UBE2Q2: variants seen among roughly 807,000 people sequenced by gnomAD.
UBE2Q2 encodes the protein ubiquitin conjugating enzyme E2 Q2.
Under a neutral mutation model 59.9 loss-of-function variants are expected in UBE2Q2, and 54 were observed. That is an observed-to-expected ratio of 0.90 (90% CI 0.72 to 1.13). The LOEUF is 1.13. UBE2Q2 is among the 50% of genes most tolerant of loss of function. UBE2Q2 has a pLI of 0.00. For synonymous variants in UBE2Q2, 165 were observed against 155.2 expected (o/e 1.06, Z -0.47); for missense variants, 433 against 441.9 (o/e 0.98, Z 0.18).
intron 6 of UBE2Q2, among the ~76,000 whole-genome samples, chr15:75,877,047 G>A (rs1898122407): frequency 6.7e-6 from 1 of 148,208 alleles, no homozygotes; most frequent in Non-Finnish European, 1.5e-5. Context: ...GGTGATCCGA[G>A]CTACTCAGTG....
At position 75,854,502 on chromosome 15, in the gene UBE2Q2, C is replaced by A; in HGVS notation, c.282+15C>A. Reference sequence around the variant, plus strand: ...ACAACAATTTGGTAAGAAAATAAGCCAAGCTATTTTCTCTTTTCCTCATGA... The same window carrying A: ...ACAACAATTTGGTAAGAAAATAAGCAAAGCTATTTTCTCTTTTCCTCATGA... On this transcript the variant is annotated intron_variant, in intron 2 of 12. Coordinates refer to ENST00000267938, the MANE Select transcript of UBE2Q2 (RefSeq NM_173469.4). 1 of 1,533,484 alleles carries A rather than the reference C, an allele frequency of 6.5e-7. No homozygotes were observed. Among genetic ancestry groups the A allele is most frequent in the Non-Finnish European group, 9.0e-7 (1 of 1,115,096 alleles). 95.0% of individuals were successfully genotyped at this position (1,533,484 alleles called of 1,614,324 possible).
chr15:75,844,219 C>T, intron 1 of UBE2Q2: 1 of 1,474,536 alleles, frequency 6.8e-7, no homozygotes, highest in Non-Finnish European at 9.0e-7. Flanking sequence ...CGGCGCAGCT[C>T]CGGCTGTTGT....
At chr15:75,882,217 A>G (rs1307398540) in intron 8 of UBE2Q2, among the ~76,000 whole-genome samples, 1 of 152,194 alleles carries the variant, frequency 6.6e-6, no homozygotes, top group African/African-American at 2.4e-5. Flanking sequence ...TTAGATGGCT[A>G]AGATGTTAAG....
At chr15:75,875,305 C>T (rs1038207983) in intron 5 of UBE2Q2, among the ~76,000 whole-genome samples, 1 of 152,120 alleles carries the variant, frequency 6.6e-6, no homozygotes, top group African/African-American at 2.4e-5. Context: ...ATTTTTCCCC[C>T]CTTCAAAGTA....
rs192187730 is a variant in UBE2Q2, at chr15:75,894,429, T to C, written c.1030-2566T>C. 3.3e-5 allele frequency among the ~76,000 whole-genome samples: 5 copies of C among 151,512 alleles called. No individual in the cohort carries two copies. The East Asian group carries it at 9.7e-4, about 29-fold the overall frequency. ...AAAAAAAACAAAACAAAACAAAACA[T>C]GAAAATTAGCTGGGCATCGTGGCAG... On this transcript the variant is annotated intron_variant, in intron 11 of 12. Coordinates refer to ENST00000267938, the MANE Select transcript of UBE2Q2 (RefSeq NM_173469.4).
intron 4 of UBE2Q2, 59 bp from the exon 5 acceptor site, chr15:75,873,369 A>G (rs1897896040): frequency 1.3e-6 from 2 of 1,503,048 alleles, no homozygotes; most frequent in African/African-American, 1.4e-5. Context: ...TTATTTTGGC[A>G]TAAGAAACTG....
chr15:75,854,319 G>A, intron 1 of UBE2Q2, 67 bp from the exon 2 acceptor site: 1 of 1,227,048 alleles, frequency 8.1e-7, no homozygotes, highest in South Asian at 1.3e-5. Context: ...GTTTAGTGGT[G>A]TGGTTTAATT....
intron 8 of UBE2Q2, among the ~76,000 whole-genome samples, chr15:75,881,273 C>T (rs1417590907): frequency 6.6e-6 from 1 of 151,980 alleles, no homozygotes. Context: ...CCCCTGTGTG[C>T]CCCTCCCTTG....
intron 3 of UBE2Q2, among the ~76,000 whole-genome samples, chr15:75,862,277 G>T (rs1047909970): frequency 6.6e-6 from 1 of 152,014 alleles, no homozygotes; most frequent in South Asian, 2.1e-4. Flanking sequence ...CCTTTTCTTC[G>T]CTGGTTATTT....
intron 8 of UBE2Q2, among the ~76,000 whole-genome samples, chr15:75,880,303 G>C (rs986040609): frequency 6.6e-6 from 1 of 151,898 alleles, no homozygotes; most frequent in African/African-American, 2.4e-5. Context: ...AGTAGAGACG[G>C]GGTTTCACCA....
chr15:75,880,525 A>C (rs1443560640), intron 8 of UBE2Q2, among the ~76,000 whole-genome samples: 2 of 150,714 alleles, frequency 1.3e-5, no homozygotes, highest in East Asian at 3.9e-4. Context: ...TCTGTTGCCC[A>C]GGCTGGAGTG....
intron 12 of UBE2Q2, among the ~76,000 whole-genome samples, chr15:75,898,634 A>G (rs1028307365): frequency 5.3e-5 from 8 of 152,238 alleles, no homozygotes; most frequent in Non-Finnish European, 1.2e-4. Context: ...GATTTTAGGC[A>G]TAGTCATTTA....
intron 4 of UBE2Q2, among the ~76,000 whole-genome samples, chr15:75,869,382 T>A (rs1230465107): frequency 6.6e-6 from 1 of 152,272 alleles, no homozygotes; most frequent in Non-Finnish European, 1.5e-5. Context: ...TTTTAGGGAC[T>A]ACTCGCCAGA....
chr15:75,872,533 CTTTTTTTTTTT>C (rs374099581), intron 4 of UBE2Q2, among the ~76,000 whole-genome samples: 3 of 114,794 alleles, frequency 2.6e-5, no homozygotes, highest in Non-Finnish European at 5.4e-5. Flanking sequence ...TTTTCTTTTC[CTTTTTTTTTTT>C]TTTTTTTTTT....
chr15:75,874,016 G>A (rs1201302897), intron 5 of UBE2Q2, among the ~76,000 whole-genome samples: 1 of 152,074 alleles, frequency 6.6e-6, no homozygotes, highest in East Asian at 1.9e-4. Flanking sequence ...TTTTGTTGCT[G>A]TAGATTACGT....
At chr15:75,867,296 C>G in intron 3 of UBE2Q2, among the ~76,000 whole-genome samples, 1 of 152,170 alleles carries the variant, frequency 6.6e-6, no homozygotes, top group East Asian at 1.9e-4. Context: ...GAGAGTGATC[C>G]TTACCAACTG....
chr15:75,873,677 C>T, intron 5 of UBE2Q2, 109 bp downstream of exon 5: 1 of 1,262,030 alleles, frequency 7.9e-7, no homozygotes, highest in East Asian at 2.4e-5. Context: ...TCCTCCATTT[C>T]TGCCTTAGTG....
At chr15:75,855,794 A>G (rs117935159) in intron 2 of UBE2Q2, among the ~76,000 whole-genome samples, 1,607 of 152,290 alleles carry the variant, frequency 0.011, 15 homozygotes, top group Non-Finnish European at 0.017. Flanking sequence ...GAACATGACA[A>G]TTTTGCTGAG....
intron 11 of UBE2Q2, among the ~76,000 whole-genome samples, chr15:75,896,546 T>A (rs1336659351): frequency 1.3e-5 from 2 of 152,232 alleles, no homozygotes; most frequent in Non-Finnish European, 2.9e-5. Context: ...GATTTCTAAC[T>A]TAAAATGTCA....
Sources: gnomAD v4.1 joint callset for allele counts (sites outside exome capture counted in the v4.1 genomes callset) on GRCh38, gnomAD v4.1.1 for gene constraint, MANE v1.5 for transcripts, NCBI Gene and HGNC (gene_info 2026-07-23, HGNC 2026-07-21) for gene names.